MECOM: variants seen among roughly 807,000 people sequenced by gnomAD.
MECOM encodes the protein MDS1 and EVI1 complex locus, also known as histone-lysine N-methyltransferase MECOM.
In MECOM, 13 loss-of-function variants were observed where a neutral mutation model predicts 116.3. The observed-to-expected ratio is 0.11, with a 90% CI of 0.07 to 0.18. The LOEUF (loss-of-function observed/expected upper bound fraction) is 0.18. Ranked by LOEUF, MECOM falls within the 10% of genes least tolerant of loss-of-function variation. MECOM has a pLI of 1.00. For synonymous variants in MECOM, 528 were observed against 535.2 expected (o/e 0.99, Z 0.19); for missense variants, 1,299 against 1,509.0 (o/e 0.86, Z 2.31).
intron 1 of MECOM, among the ~76,000 whole-genome samples, chr3:169,510,271 C>T (rs1206270059): frequency 6.6e-6 from 1 of 152,068 alleles, no homozygotes; most frequent in African/African-American, 2.4e-5. Context: ...TGTCCCCCCA[C>T]CCCCCTTATT....
chr3:169,614,924 G>GCCCAGCTAAGCTGGGC (rs1769800406), intron 1 of MECOM: 7 of 152,220 alleles, frequency 4.6e-5, no homozygotes, highest in Non-Finnish European at 1.0e-4. Flanking sequence ...GGGCTGCTAA[G>GCCCAGCTAAGCTGGGC]TTCAAGTCCT....
intron 1 of MECOM, among the ~76,000 whole-genome samples, chr3:169,477,432 T>C (rs1157617055): frequency 2.0e-5 from 3 of 151,842 alleles, no homozygotes; most frequent in Non-Finnish European, 4.4e-5. Context: ...CCTTGCAAGG[T>C]ATAAAAGAGA....
intron 5 of MECOM, among the ~76,000 whole-genome samples, chr3:169,126,382 C>T (rs1732847550): frequency 6.6e-6 from 1 of 152,068 alleles, no homozygotes; most frequent in Non-Finnish European, 1.5e-5. Flanking sequence ...TTATTTCTGA[C>T]ACCAGAGATA....
intron 1 of MECOM, among the ~76,000 whole-genome samples, chr3:169,496,319 G>T (rs765792664): frequency 2.6e-5 from 4 of 152,182 alleles, no homozygotes; most frequent in Non-Finnish European, 5.9e-5. Context: ...AGAACCAAAC[G>T]TGCATATGGA....
At chr3:169,226,999 T>A (rs900338597) in intron 2 of MECOM, among the ~76,000 whole-genome samples, 2 of 152,154 alleles carry the variant, frequency 1.3e-5, no homozygotes, top group African/African-American at 4.8e-5. Context: ...CATCTTTAGT[T>A]TTTTCATTGT....
intron 2 of MECOM, among the ~76,000 whole-genome samples, chr3:169,162,706 T>C (rs919982560): frequency 1.4e-4 from 21 of 152,218 alleles, no homozygotes; most frequent in Non-Finnish European, 2.9e-4. Flanking sequence ...AGGTTAGGTA[T>C]GTTTATCTTC....
At chr3:169,146,821 C>A in intron 2 of MECOM, 1 of 1,089,552 alleles carries the variant, frequency 9.2e-7, no homozygotes, top group Non-Finnish European at 1.1e-6. Flanking sequence ...CGCTCCTGCA[C>A]GAAAATCCTT....
chr3:169,230,127 C>G (rs919195308), intron 2 of MECOM, among the ~76,000 whole-genome samples: 1 of 152,100 alleles, frequency 6.6e-6, no homozygotes, highest in Non-Finnish European at 1.5e-5. Context: ...CTTGAGGCAG[C>G]TACCTCTTCT....
intron 1 of MECOM, among the ~76,000 whole-genome samples, chr3:169,587,997 A>G (rs1382276419): frequency 6.6e-6 from 1 of 152,230 alleles, no homozygotes; most frequent in African/African-American, 2.4e-5. Flanking sequence ...TTGTTAATTT[A>G]ATTACCATAA....
intron 12 of MECOM, among the ~76,000 whole-genome samples, chr3:169,096,722 G>A (rs988173963): frequency 6.6e-6 from 1 of 152,126 alleles, no homozygotes; most frequent in Admixed American, 6.5e-5. Context: ...TTCCACTAGA[G>A]TTCTTGGGCT....
chr3:169,663,188 G>A, intron 1 of MECOM, 148 bp downstream of exon 1: 1 of 859,842 alleles, frequency 1.2e-6, no homozygotes, highest in Non-Finnish European at 1.8e-6. Context: ...ACTGGAACCG[G>A]CAGGTTGCTG....
intron 2 of MECOM, among the ~76,000 whole-genome samples, chr3:169,301,082 TGTTA>T (rs1716628351): frequency 1.3e-5 from 2 of 152,358 alleles, no homozygotes; most frequent in Admixed American, 1.3e-4. Context: ...TCTTTTAACA[TGTTA>T]GTTGGCTAAT....
intron 1 of MECOM, among the ~76,000 whole-genome samples, chr3:169,429,410 G>A (rs1741233657): frequency 6.6e-6 from 1 of 152,190 alleles, no homozygotes; most frequent in Admixed American, 6.5e-5. Flanking sequence ...AGCAGTGAAT[G>A]TAACCTCAGA....
At chr3:169,086,752 G>A (rs1250285940) in intron 16 of MECOM, among the ~76,000 whole-genome samples, 1 of 152,172 alleles carries the variant, frequency 6.6e-6, no homozygotes, top group African/African-American at 2.4e-5. Context: ...GCAAAATGCA[G>A]CTACTATTGT....
intron 2 of MECOM, among the ~76,000 whole-genome samples, chr3:169,308,405 C>CA (rs1718103298): frequency 1.3e-5 from 2 of 152,060 alleles, no homozygotes; most frequent in Non-Finnish European, 2.9e-5. Flanking sequence ...TCCCTCTCTC[C>CA]AAAAAAGTGA....
At chr3:169,465,142 C>T (rs1357841555) in intron 1 of MECOM, among the ~76,000 whole-genome samples, 2 of 151,930 alleles carry the variant, frequency 1.3e-5, no homozygotes, top group Non-Finnish European at 1.5e-5. Flanking sequence ...TTTAAGTTCC[C>T]TCTGATGTTT....
intron 12 of MECOM, among the ~76,000 whole-genome samples, chr3:169,098,790 A>C (rs1484068999): frequency 6.6e-6 from 1 of 151,974 alleles, no homozygotes; most frequent in Non-Finnish European, 1.5e-5. Context: ...AGCCTGTCTG[A>C]GTGCTGGGAT....
At chr3:169,151,243 T>G (rs1261203781) in intron 2 of MECOM, among the ~76,000 whole-genome samples, 1 of 152,198 alleles carries the variant, frequency 6.6e-6, no homozygotes, top group Non-Finnish European at 1.5e-5. Context: ...CTGTCCACTT[T>G]TAATAGGCTT....
chr3:169,317,704 T>C (rs1359204248), intron 2 of MECOM, among the ~76,000 whole-genome samples: 3 of 152,212 alleles, frequency 2.0e-5, no homozygotes, highest in African/African-American at 2.4e-5. Context: ...GTGGGTCTAA[T>C]TTTTAGAACC....
Sources: allele counts gnomAD v4.1 joint callset (sites outside exome capture counted in the v4.1 genomes callset), GRCh38; gene constraint gnomAD v4.1.1; transcripts MANE v1.5; gene names NCBI Gene and HGNC (gene_info 2026-07-23, HGNC 2026-07-21).